The following DCC variants were observed in gnomAD, a reference collection of about 807,000 sequenced individuals.
DCC encodes the protein netrin receptor DCC.
In DCC, 58 loss-of-function variants were observed where a neutral mutation model predicts 172.5. That is an observed-to-expected ratio of 0.34 (90% CI 0.27 to 0.42). The LOEUF is 0.42. Among genes scored for constraint, DCC ranks in the 10% least tolerant of loss-of-function variants. The pLI is 1.00. For synonymous variants in DCC, 709 were observed against 644.5 expected (o/e 1.10, Z -1.52); for missense variants, 1,740 against 1,791.0 (o/e 0.97, Z 0.51).
chr18:52,436,944 A>C (rs1987815821), intron 1 of DCC, among the ~76,000 whole-genome samples: 1 of 152,174 alleles, frequency 6.6e-6, no homozygotes, highest in African/African-American at 2.4e-5. Context: ...AAAAATTATC[A>C]GAACAACCTT....
chr18:52,795,853 C>G (rs2037864805), intron 2 of DCC, among the ~76,000 whole-genome samples: 1 of 151,860 alleles, frequency 6.6e-6, no homozygotes, highest in Non-Finnish European at 1.5e-5. Flanking sequence ...GCAATAGTTG[C>G]TCAGGACCAT....
At chr18:53,267,199 TAGACAC>T (rs1251725812) in intron 12 of DCC, among the ~76,000 whole-genome samples, 3 of 150,254 alleles carry the variant, frequency 2.0e-5, no homozygotes, top group Admixed American at 1.3e-4. Context: ...GAGACAGACA[TAGACAC>T]AGACACAGTC....
intron 5 of DCC, among the ~76,000 whole-genome samples, chr18:52,933,030 C>A (rs2040331099): frequency 6.6e-6 from 1 of 151,988 alleles, no homozygotes; most frequent in African/African-American, 2.4e-5. Flanking sequence ...AAGTTAAATA[C>A]CCCTGTTAAA....
chr18:53,242,578 T>G (rs866542014), intron 12 of DCC, among the ~76,000 whole-genome samples: 2 of 152,176 alleles, frequency 1.3e-5, no homozygotes, highest in Admixed American at 6.6e-5. Flanking sequence ...TTTATTCTTA[T>G]TGGGGACATA....
At chr18:53,233,148 T>TATA (rs929242437) in intron 12 of DCC, among the ~76,000 whole-genome samples, 9 of 152,194 alleles carry the variant, frequency 5.9e-5, no homozygotes, top group African/African-American at 2.2e-4. Context: ...GAGAAAATCC[T>TATA]ATAATGGCTG....
At position 53,016,503 on chromosome 18, in the gene DCC, T is replaced by C. The variant is rs182602740; in HGVS notation, c.986-46802T>C. On this transcript the variant is annotated intron_variant, in intron 5 of 28. Coordinates refer to ENST00000442544, the MANE Select transcript of DCC (RefSeq NM_005215.4). Reference sequence around the variant, plus strand: ...ATTATGGTCAAATTTTAAATAAAAATAAAAACTGAAAACGTCTGTTATGTT... The same window carrying C: ...ATTATGGTCAAATTTTAAATAAAAACAAAAACTGAAAACGTCTGTTATGTT... 3.0e-3 allele frequency among the ~76,000 whole-genome samples: 454 copies of C among 152,200 alleles called. 1 individual carries two copies. The highest frequency in any genetic ancestry group is 4.8e-3 in the Non-Finnish European group (325 of 67,962).
chr18:52,372,524 A>G (rs150011327), intron 1 of DCC, among the ~76,000 whole-genome samples: 23 of 152,306 alleles, frequency 1.5e-4, no homozygotes, highest in African/African-American at 5.5e-4. Context: ...TTCTAGTGAT[A>G]TGTTATATAG....
At chr18:52,891,179 C>T (rs1178965596) in intron 2 of DCC, among the ~76,000 whole-genome samples, 1 of 152,062 alleles carries the variant, frequency 6.6e-6, no homozygotes, top group East Asian at 1.9e-4. Flanking sequence ...TGACTTCTCT[C>T]TTACCATAAG....
intron 7 of DCC, among the ~76,000 whole-genome samples, chr18:53,089,233 C>A (rs2042966268): frequency 6.6e-6 from 1 of 151,934 alleles, no homozygotes; most frequent in Admixed American, 6.6e-5. Flanking sequence ...TTACAGGTGC[C>A]TGCCACCACA....
chr18:52,879,507 T>A (rs1049166206), intron 2 of DCC, among the ~76,000 whole-genome samples: 4 of 142,848 alleles, frequency 2.8e-5, no homozygotes, highest in East Asian at 2.2e-4. Context: ...CACTGCAACC[T>A]CCACCTCCTG....
At chr18:52,751,318 C>T (rs1383175791) in intron 1 of DCC, among the ~76,000 whole-genome samples, 1 of 152,170 alleles carries the variant, frequency 6.6e-6, no homozygotes, top group Non-Finnish European at 1.5e-5. Flanking sequence ...ATTATACTTG[C>T]TTCCTCCCCT....
At chr18:53,175,049 C>T (rs1233767535) in intron 8 of DCC, among the ~76,000 whole-genome samples, 2 of 151,618 alleles carry the variant, frequency 1.3e-5, no homozygotes, top group Non-Finnish European at 2.9e-5. Flanking sequence ...TGTAATCCAG[C>T]ATATAAACAG....
chr18:53,156,187 T>G (rs1274988498), intron 7 of DCC, among the ~76,000 whole-genome samples: 1 of 152,096 alleles, frequency 6.6e-6, no homozygotes, highest in Non-Finnish European at 1.5e-5. Context: ...ATGAATATTT[T>G]AAAGAATCAC....
chr18:52,428,429 G>C (rs1987514317), intron 1 of DCC, among the ~76,000 whole-genome samples: 1 of 152,026 alleles, frequency 6.6e-6, no homozygotes, highest in Non-Finnish European at 1.5e-5. Flanking sequence ...CTAATTAAGA[G>C]GATACAACAT....
At chr18:52,698,066 C>T (rs1435954715) in intron 1 of DCC, among the ~76,000 whole-genome samples, 1 of 152,012 alleles carries the variant, frequency 6.6e-6, no homozygotes, top group African/African-American at 2.4e-5. Context: ...TTTAAGAAGG[C>T]CTGTGTTGAA....
intron 18 of DCC, among the ~76,000 whole-genome samples, chr18:53,401,533 T>A (rs552158590): frequency 5.2e-4 from 79 of 152,254 alleles, no homozygotes; most frequent in African/African-American, 1.9e-3. Context: ...AGAAATACAG[T>A]GTTAATAATG....
chr18:52,552,862 T>G (rs963677467), intron 1 of DCC, among the ~76,000 whole-genome samples: 1 of 152,094 alleles, frequency 6.6e-6, no homozygotes, highest in Non-Finnish European at 1.5e-5. Context: ...TTTCTCACAC[T>G]TTTCACTGAT....
At chr18:53,026,023 A>T (rs1169815709) in intron 5 of DCC, among the ~76,000 whole-genome samples, 2 of 152,058 alleles carry the variant, frequency 1.3e-5, no homozygotes, top group African/African-American at 4.8e-5. Context: ...AAATGTTCCA[A>T]TTCAGCTTGG....
At chr18:52,992,734 A>C (rs1033013031) in intron 5 of DCC, among the ~76,000 whole-genome samples, 4 of 152,052 alleles carry the variant, frequency 2.6e-5, no homozygotes, top group African/African-American at 9.7e-5. Context: ...CCAGCACTTA[A>C]GGAGGCCAAG....
Sources: allele counts gnomAD v4.1 joint callset (sites outside exome capture counted in the v4.1 genomes callset), GRCh38; gene constraint gnomAD v4.1.1; transcripts MANE v1.5; gene names NCBI Gene and HGNC (gene_info 2026-07-23, HGNC 2026-07-21).